The following RGS7 variants were observed in gnomAD, a reference collection of about 807,000 sequenced individuals.
The protein encoded by RGS7 is regulator of G protein signaling 7, also known as regulator of G-protein signaling 7.
In RGS7, 27 loss-of-function variants were observed where a neutral mutation model predicts 81.1. The ratio of observed to expected loss-of-function variants is 0.33; its 90% CI spans 0.25 to 0.46. The LOEUF (loss-of-function observed/expected upper bound fraction) is 0.46, where lower values mean the gene tolerates loss of function less well. Among genes scored for constraint, RGS7 ranks in the 20% least tolerant of loss-of-function variants. The pLI is 1.00. For synonymous variants in RGS7, 208 were observed against 207.7 expected (o/e 1.00, Z -0.01); for missense variants, 396 against 607.4 (o/e 0.65, Z 3.66).
intron 4 of RGS7, among the ~76,000 whole-genome samples, chr1:240,947,652 C>G (rs2148422339): frequency 6.6e-6 from 1 of 152,314 alleles, no homozygotes; most frequent in East Asian, 1.9e-4. Context: ...CTCATATCAT[C>G]CTGTGGCTGA....
intron 6 of RGS7, among the ~76,000 whole-genome samples, chr1:240,918,310 C>G (rs887823020): frequency 6.6e-6 from 1 of 152,118 alleles, no homozygotes; most frequent in Non-Finnish European, 1.5e-5. Context: ...ATAGTCATCT[C>G]AAGTTCTCAT....
intron 2 of RGS7, among the ~76,000 whole-genome samples, chr1:241,111,618 T>TA (rs57588171): frequency 2.3e-4 from 34 of 146,794 alleles, no homozygotes; most frequent in Admixed American, 4.7e-4. Flanking sequence ...TCTCTACAAG[T>TA]AAAAAAAAAA....
At position 240,806,165 on chromosome 1, in the gene RGS7, C is replaced by T. The variant is rs1463366057; in HGVS notation, c.1244G>A (p.Gly415Glu). Residue 415 changes from glycine (G) to glutamate (E), a missense_variant, in exon 15 of 19, where the codon GGA becomes GAA. By Grantham distance (98) the Gly-to-Glu change is moderately conservative. Coordinates refer to ENST00000440928, the MANE Select transcript of RGS7 (RefSeq NM_001364886.1). Reference sequence around the variant, plus strand: ...CTGAGCATCTTCAAATGTGTATCGTCCAGGTTCCTTCACGTTCTGTGTGGT... The same window carrying T: ...CTGAGCATCTTCAAATGTGTATCGTTCAGGTTCCTTCACGTTCTGTGTGGT... ...DKTTQNVKEP[G>E]RYTFEDAQEH... 4 of 1,613,948 alleles carry T rather than the reference C, an allele frequency of 2.5e-6. No homozygotes were observed. Among genetic ancestry groups the T allele is most frequent in the South Asian group, 1.1e-5 (1 of 91,074 alleles).
intron 6 of RGS7, among the ~76,000 whole-genome samples, chr1:240,919,348 T>C (rs558088454): frequency 1.3e-5 from 2 of 152,188 alleles, no homozygotes; most frequent in Non-Finnish European, 2.9e-5. Context: ...TAGCATATTA[T>C]ATCCAACAAT....
intron 6 of RGS7, among the ~76,000 whole-genome samples, chr1:240,880,266 T>G (rs1309796863): frequency 6.6e-6 from 1 of 152,222 alleles, no homozygotes; most frequent in African/African-American, 2.4e-5. Flanking sequence ...GATCTTGAAG[T>G]CCCGGGCTCC....
chr1:240,997,335 A>C (rs1409159765), intron 3 of RGS7, among the ~76,000 whole-genome samples: 1 of 152,156 alleles, frequency 6.6e-6, no homozygotes, highest in Non-Finnish European at 1.5e-5. Context: ...TGATAAAATT[A>C]TATTCACACA....
rs551855838 is a variant in RGS7 at position 240,846,114 on chromosome 1, T to C, written c.610-18942A>G. Among the ~76,000 whole-genome samples, 7 of 152,332 alleles carry C rather than the reference T, an allele frequency of 4.6e-5. No individual in the cohort carries two copies. The South Asian group carries it at 1.4e-3, about 32-fold the overall frequency. Reference sequence around the variant, plus strand: ...TGAGTGTCTGCTGTGTTCCTGGTACTTGACTGAGGCCTAAATACAGAGTCA... The same window carrying C: ...TGAGTGTCTGCTGTGTTCCTGGTACCTGACTGAGGCCTAAATACAGAGTCA... On this transcript the variant is annotated intron_variant, in intron 9 of 18. Transcript: ENST00000440928.
At chr1:240,954,517 A>G (rs1680038759) in intron 4 of RGS7, among the ~76,000 whole-genome samples, 1 of 151,018 alleles carries the variant, frequency 6.6e-6, no homozygotes, top group African/African-American at 2.4e-5. Context: ...AATTTGTGAC[A>G]AGAAATCATT....
chr1:241,180,394 A>AAAC (rs1162959932), intron 2 of RGS7, among the ~76,000 whole-genome samples: 1 of 152,046 alleles, frequency 6.6e-6, no homozygotes, highest in Non-Finnish European at 1.5e-5. Context: ...CAAAAAAACA[A>AAAC]AACAACAACA....
intron 3 of RGS7, among the ~76,000 whole-genome samples, chr1:241,087,979 TATATATATATATATATACACACACACAC>T (rs1185560118): frequency 8.4e-5 from 5 of 59,336 alleles, no homozygotes; most frequent in African/African-American, 4.6e-4. Context: ...TCTCTCTCTA[TATATATATATATATATACACACACACAC>T]ATATATATAT....
At position 241,333,147 on chromosome 1, in the gene RGS7, G is replaced by A. The variant is rs115253407; in HGVS notation, c.78+22552C>T. Among the ~76,000 whole-genome samples the A allele has an allele frequency of 6.8e-3, 1,035 of 152,348 alleles. 9 individuals carry two copies. Among genetic ancestry groups the A allele is most frequent in the Middle Eastern group, 0.01 (3 of 294 alleles). On this transcript the variant is annotated intron_variant, in intron 2 of 18. Transcript: ENST00000440928. ...TCAAAAGCAGATCAATAGAGAGCCA[G>A]ACCCAGGTGCTCCTTAAAGGCATCG...
intron 6 of RGS7, among the ~76,000 whole-genome samples, chr1:240,914,093 G>A (rs1444433578): frequency 1.5e-5 from 2 of 130,424 alleles, no homozygotes; most frequent in African/African-American, 5.9e-5. Context: ...ATGATGATGA[G>A]ATATTCCTGG....
intron 16 of RGS7, among the ~76,000 whole-genome samples, chr1:240,802,019 T>C (rs1014808749): frequency 1.3e-5 from 2 of 152,166 alleles, no homozygotes; most frequent in African/African-American, 2.4e-5. Context: ...TAGAATGTTA[T>C]ATAATTTTAA....
chr1:241,222,417 G>A (rs931406005), intron 2 of RGS7, among the ~76,000 whole-genome samples: 1 of 152,172 alleles, frequency 6.6e-6, no homozygotes, highest in Non-Finnish European at 1.5e-5. Context: ...ATTCTAATAT[G>A]TCAATAATTT....
chr1:240,796,852 A>C (rs1448992453), intron 18 of RGS7, among the ~76,000 whole-genome samples: 1 of 152,196 alleles, frequency 6.6e-6, no homozygotes, highest in Non-Finnish European at 1.5e-5. Flanking sequence ...CAAATACACC[A>C]GGACAGAGAG....
intron 4 of RGS7, among the ~76,000 whole-genome samples, chr1:240,941,021 G>A (rs1677495211): frequency 6.6e-6 from 1 of 152,084 alleles, no homozygotes; most frequent in Non-Finnish European, 1.5e-5. Context: ...CATTTGATTT[G>A]ATGATATGCA....
intron 3 of RGS7, among the ~76,000 whole-genome samples, chr1:241,074,889 T>TA (rs979637413): frequency 2.6e-5 from 4 of 151,898 alleles, no homozygotes; most frequent in African/African-American, 4.8e-5. Context: ...CATCACCACT[T>TA]AAAAAAAAAT....
intron 4 of RGS7, among the ~76,000 whole-genome samples, chr1:240,962,192 G>C (rs576615618): frequency 6.6e-6 from 1 of 152,164 alleles, no homozygotes; most frequent in African/African-American, 2.4e-5. Flanking sequence ...TAGTAGAAAA[G>C]TTCTACCACT....
intron 2 of RGS7, among the ~76,000 whole-genome samples, chr1:241,099,530 G>C (rs1255567329): frequency 1.3e-5 from 2 of 152,018 alleles, no homozygotes; most frequent in African/African-American, 4.8e-5. Context: ...AATCTCATTA[G>C]TACACTCTCT....
Sources: allele counts gnomAD v4.1 joint callset (sites outside exome capture counted in the v4.1 genomes callset), GRCh38; gene constraint gnomAD v4.1.1; transcripts MANE v1.5; gene names NCBI Gene and HGNC (gene_info 2026-07-23, HGNC 2026-07-21).